NCOA7: variants seen among roughly 807,000 people sequenced by gnomAD.
NCOA7 encodes the protein nuclear receptor coactivator 7, also known as 140 kDa estrogen receptor-associated protein.
Under a neutral mutation model 104.3 loss-of-function variants are expected in NCOA7, and 45 were observed. The observed-to-expected ratio is 0.43, with a 90% confidence interval of 0.34 to 0.55. The LOEUF is 0.55. NCOA7 is among the 20% of genes least tolerant of loss of function. The probability of loss-of-function intolerance (pLI) is 0.02; values close to 1 mark genes in which losing one functional copy is unlikely to be tolerated. For synonymous variants in NCOA7, 398 were observed against 402.3 expected, an observed-to-expected ratio of 0.99 and a Z score of 0.13; for missense variants, 1,041 against 1,119.7, an observed-to-expected ratio of 0.93 and a Z score of 1.00.
chr6:125,838,995 G>T (rs1278244954), intron 2 of NCOA7, among the ~76,000 whole-genome samples: 2 of 152,112 alleles, frequency 1.3e-5, no homozygotes, highest in Non-Finnish European at 2.9e-5. Flanking sequence ...CACCACCTTC[G>T]CAGACGCATA....
At chr6:125,903,271 C>A (rs1785664700) in intron 10 of NCOA7, among the ~76,000 whole-genome samples, 1 of 152,218 alleles carries the variant, frequency 6.6e-6, no homozygotes, top group Middle Eastern at 3.2e-3. Context: ...TTGTGCCTGG[C>A]AGAGCATGTA....
chr6:125,841,531 T>C (rs1320845609), intron 2 of NCOA7, among the ~76,000 whole-genome samples: 1 of 152,136 alleles, frequency 6.6e-6, no homozygotes, highest in Non-Finnish European at 1.5e-5. Context: ...TGGATTTTTT[T>C]TTAAGAGCGT....
intron 2 of NCOA7, among the ~76,000 whole-genome samples, chr6:125,833,732 A>C (rs939638581): frequency 6.6e-6 from 1 of 152,132 alleles, no homozygotes; most frequent in Non-Finnish European, 1.5e-5. Flanking sequence ...CACGTTCCAC[A>C]GGCCACCCCA....
chr6:125,804,638 T>C (rs1329859679), intron 1 of NCOA7, among the ~76,000 whole-genome samples: 1 of 152,222 alleles, frequency 6.6e-6, no homozygotes, highest in African/African-American at 2.4e-5. Flanking sequence ...TTATGAGTAT[T>C]AATGAGAGAA....
At chr6:125,873,635 G>C (rs1457400342) in intron 3 of NCOA7, among the ~76,000 whole-genome samples, 1 of 152,134 alleles carries the variant, frequency 6.6e-6, no homozygotes, top group Non-Finnish European at 1.5e-5. Flanking sequence ...TGTACATAAA[G>C]TATATACCTG....
chr6:125,910,833 T>A lies in NCOA7; in HGVS notation c.2097-4500T>A, dbSNP rs115015909. 6.1e-3 allele frequency among the ~76,000 whole-genome samples: 925 copies of A among 152,270 alleles called. 10 individuals carry two copies. The highest frequency in any genetic ancestry group is 0.021 in the African/African-American group (852 of 41,556). ...AGAATGGCTATGTAACTATAATAAA[T>A]CCAGTTAGTAAAGTACTATGTAGCT... On this transcript the variant is annotated intron_variant, in intron 10 of 15. Transcript: ENST00000392477.
intron 2 of NCOA7, among the ~76,000 whole-genome samples, chr6:125,845,984 T>C (rs1446916984): frequency 6.6e-6 from 1 of 152,214 alleles, no homozygotes; most frequent in East Asian, 1.9e-4. Context: ...ATATTTTATA[T>C]TAGTACTCTA....
chr6:125,930,758 A>C lies in NCOA7; in HGVS notation c.*1987A>C, dbSNP rs558069836. Reference sequence around the variant, plus strand: ...ACGTTTCACTCAAGTTCTCCTACTGAGGACTCTTGACTAACAGCATACTGG... The same window carrying C: ...ACGTTTCACTCAAGTTCTCCTACTGCGGACTCTTGACTAACAGCATACTGG... On this transcript the variant is annotated 3_prime_UTR_variant, in exon 16 of 16. Coordinates refer to ENST00000392477, the MANE Select transcript of NCOA7 (RefSeq NM_181782.5). 2 of 152,388 alleles carry C rather than the reference A, an allele frequency of 1.3e-5. No homozygotes were observed. Among genetic ancestry groups the C allele is most frequent in the African/African-American group, 4.8e-5 (2 of 41,586 alleles). 9.4% of individuals were successfully genotyped at this position (152,388 alleles called of 1,614,324 possible).
intron 2 of NCOA7, among the ~76,000 whole-genome samples, chr6:125,821,542 T>C (rs1031428508): frequency 1.3e-5 from 2 of 152,186 alleles, no homozygotes; most frequent in African/African-American, 4.8e-5. Context: ...TACACCAGTG[T>C]AAATTAATTT....
At chr6:125,807,184 A>G (rs1174141295) in intron 1 of NCOA7, among the ~76,000 whole-genome samples, 1 of 152,218 alleles carries the variant, frequency 6.6e-6, no homozygotes, top group Non-Finnish European at 1.5e-5. Context: ...TAAATCATCT[A>G]TTAGATAAAG....
chr6:125,905,711 A>G (rs1229767232), intron 10 of NCOA7, among the ~76,000 whole-genome samples: 1 of 152,262 alleles, frequency 6.6e-6, no homozygotes, highest in Non-Finnish European at 1.5e-5. Context: ...CCAGTTGTCA[A>G]CAATACACTC....
intron 2 of NCOA7, among the ~76,000 whole-genome samples, chr6:125,848,558 C>G (rs1780831666): frequency 6.6e-6 from 1 of 152,004 alleles, no homozygotes; most frequent in Non-Finnish European, 1.5e-5. Flanking sequence ...GGACAGAAAA[C>G]CAAACACCGA....
intron 2 of NCOA7, among the ~76,000 whole-genome samples, chr6:125,826,014 A>G (rs998858196): frequency 1.1e-4 from 17 of 152,216 alleles, no homozygotes; most frequent in Non-Finnish European, 2.5e-4. Flanking sequence ...TTCATATTTA[A>G]GCACACTTTA....
intron 2 of NCOA7, among the ~76,000 whole-genome samples, chr6:125,837,119 T>C (rs1197721839): frequency 6.6e-6 from 1 of 152,212 alleles, no homozygotes; most frequent in African/African-American, 2.4e-5. Flanking sequence ...GCGACTTTGC[T>C]TGAGAAATTA....
intron 10 of NCOA7, among the ~76,000 whole-genome samples, chr6:125,903,688 A>G (rs1785706386): frequency 6.6e-6 from 1 of 150,876 alleles, no homozygotes. Flanking sequence ...ATATGCTAGT[A>G]GTACTTATTT....
intron 3 of NCOA7, among the ~76,000 whole-genome samples, chr6:125,861,617 G>A (rs1782055980): frequency 6.6e-6 from 1 of 152,158 alleles, no homozygotes; most frequent in Non-Finnish European, 1.5e-5. Context: ...GATGAAAATA[G>A]TTAGGCCTGT....
In NCOA7 at chr6:125,889,617, A is replaced by T. The variant is rs753241068; in HGVS notation, c.1563A>T (p.Lys521Asn). 6.2e-7 allele frequency: 1 copy of T among 1,613,768 alleles called. No homozygotes were observed. The highest frequency in any genetic ancestry group is 8.5e-7 in the Non-Finnish European group (1 of 1,179,942). The stretch of plus-strand genomic sequence containing the variant: ...TACATGAAGATTTAGATAAAGTTAA[A>T]CTCATTGAATATTACCTGACTAAGA... ...LNIHEDLDKV[K>N]LIEYYLTKNK... The change falls in exon 9 of 16, where the codon AAA becomes AAT. Residue 521 changes from lysine (K) to asparagine (N), a missense_variant. Transcript: ENST00000392477.
At chr6:125,828,330 A>G (rs1343999804) in intron 2 of NCOA7, among the ~76,000 whole-genome samples, 1 of 152,252 alleles carries the variant, frequency 6.6e-6, no homozygotes, top group African/African-American at 2.4e-5. Context: ...TGAGGACTGC[A>G]AAGTATCCAT....
At chr6:125,861,923 G>A (rs1033394947) in intron 3 of NCOA7, among the ~76,000 whole-genome samples, 2 of 143,970 alleles carry the variant, frequency 1.4e-5, no homozygotes, top group Non-Finnish European at 3.0e-5. Flanking sequence ...TGTAATTCCA[G>A]CTACTCAGGA....
Sources: gnomAD v4.1 joint callset for allele counts (sites outside exome capture counted in the v4.1 genomes callset) on GRCh38, gnomAD v4.1.1 for gene constraint, MANE v1.5 for transcripts, NCBI Gene and HGNC (gene_info 2026-07-23, HGNC 2026-07-21) for gene names.